The following DNAH14 variants were observed in gnomAD, a reference collection of about 807,000 sequenced individuals.
DNAH14 encodes dynein axonemal heavy chain 14, also known as axonemal beta dynein heavy chain 14.
DNAH14 carries 478 observed loss-of-function variants against 520.9 expected under a neutral mutation model. The observed-to-expected ratio is 0.92, with a 90% CI of 0.85 to 0.99. The LOEUF is 0.99. Among genes scored for constraint, DNAH14 ranks in the 50% least tolerant of loss-of-function variants. The pLI is 0.00. For missense variants in DNAH14, 4,831 were observed against 5,234.5 expected, an observed-to-expected ratio of 0.92 and a Z score of 2.38; for synonymous variants, 1,581 against 1,757.2, an observed-to-expected ratio of 0.90 and a Z score of 2.51.
At chr1:225,362,404 G>A (rs879733647) in intron 75 of DNAH14, among the ~76,000 whole-genome samples, 15 of 152,028 alleles carry the variant, frequency 9.9e-5, no homozygotes, top group Admixed American at 3.9e-4. Flanking sequence ...GTGAAACCCC[G>A]TCTCTACTAA....
At chr1:225,015,660 G>A (rs1368686311) in intron 10 of DNAH14, among the ~76,000 whole-genome samples, 1 of 152,180 alleles carries the variant, frequency 6.6e-6, no homozygotes, top group Non-Finnish European at 1.5e-5. Context: ...CATGTAAATG[G>A]CAATGCAGAT....
chr1:225,378,888 A>AAG (rs1553374346), intron 79 of DNAH14, among the ~76,000 whole-genome samples: 2 of 151,338 alleles, frequency 1.3e-5, no homozygotes, highest in Admixed American at 6.6e-5. Context: ...CCAAAAAAAA[A>AAG]AAAAGAAAAG....
intron 75 of DNAH14, 99 bp downstream of exon 75, chr1:225,360,990 A>G (rs144842870): frequency 5.4e-6 from 6 of 1,119,792 alleles, no homozygotes; most frequent in African/African-American, 1.6e-5. Context: ...AACAATAGCA[A>G]AATAATGTGC....
At chr1:225,199,343 T>G (rs1225213970) in intron 38 of DNAH14, among the ~76,000 whole-genome samples, 1 of 152,204 alleles carries the variant, frequency 6.6e-6, no homozygotes, top group African/African-American at 2.4e-5. Context: ...CATTTATTTT[T>G]GCTCTGATCT....
chr1:225,360,040 C>G (rs765134628), intron 74 of DNAH14, among the ~76,000 whole-genome samples: 3 of 152,176 alleles, frequency 2.0e-5, no homozygotes, highest in African/African-American at 4.8e-5. Context: ...TTGTTCCCCC[C>G]ACGTTTGTCC....
At chr1:225,026,844 T>A (rs1166139089) in intron 11 of DNAH14, among the ~76,000 whole-genome samples, 1 of 152,140 alleles carries the variant, frequency 6.6e-6, no homozygotes, top group Non-Finnish European at 1.5e-5. Flanking sequence ...GAGATAAATA[T>A]GAGGAGTATT....
At chr1:224,997,756 AATTATTAT>A (rs1363336371) in intron 8 of DNAH14, among the ~76,000 whole-genome samples, 1 of 151,800 alleles carries the variant, frequency 6.6e-6, no homozygotes, top group East Asian at 1.9e-4. Flanking sequence ...CGATTTTTTA[AATTATTAT>A]TATTATACTT....
At chr1:225,049,162 C>T (rs555813565) in intron 15 of DNAH14, among the ~76,000 whole-genome samples, 1 of 140,556 alleles carries the variant, frequency 7.1e-6, no homozygotes, top group South Asian at 2.3e-4. Flanking sequence ...CAGGTTCAAG[C>T]AATTCTCTGC....
intron 43 of DNAH14, among the ~76,000 whole-genome samples, chr1:225,245,287 G>C (rs183506048): frequency 3.9e-5 from 6 of 152,062 alleles, no homozygotes; most frequent in Admixed American, 3.9e-4. Flanking sequence ...TTTAGAATAA[G>C]TGCTATGTGG....
intron 42 of DNAH14, among the ~76,000 whole-genome samples, chr1:225,233,910 T>C (rs186209413): frequency 6.6e-6 from 1 of 152,330 alleles, no homozygotes; most frequent in East Asian, 1.9e-4. Flanking sequence ...CTAGGGTTTT[T>C]ATAGTTTTTG....
chr1:225,260,771 A>G (rs190006070), intron 46 of DNAH14, among the ~76,000 whole-genome samples: 7 of 152,318 alleles, frequency 4.6e-5, no homozygotes, highest in African/African-American at 1.7e-4. Context: ...TCAATCCATG[A>G]ACACAAGATA....
intron 17 of DNAH14, among the ~76,000 whole-genome samples, chr1:225,077,255 G>C (rs1279419190): frequency 7.9e-5 from 12 of 152,022 alleles, no homozygotes; most frequent in African/African-American, 2.9e-4. Context: ...CATCCAAATT[G>C]ATAGATTTAC....
At chr1:225,118,901 A>AAG (rs1482843697) in intron 25 of DNAH14, among the ~76,000 whole-genome samples, 47 of 151,624 alleles carry the variant, frequency 3.1e-4, no homozygotes, top group African/African-American at 1.0e-3. Flanking sequence ...AAAAAAAAAA[A>AAG]AAAGAAAAGA....
chr1:225,301,620 A>C (rs1443081837), intron 56 of DNAH14, among the ~76,000 whole-genome samples: 1 of 152,168 alleles, frequency 6.6e-6, no homozygotes, highest in Non-Finnish European at 1.5e-5. Context: ...GGCTTAGCAA[A>C]TATATGGACA....
chr1:224,992,668 G>A (rs1213121745), intron 8 of DNAH14, among the ~76,000 whole-genome samples: 3 of 152,008 alleles, frequency 2.0e-5, no homozygotes, highest in Non-Finnish European at 4.4e-5. Context: ...AACAACTTTA[G>A]TTTTTTCTTT....
At chr1:224,990,126 T>C (rs2062935129) in intron 8 of DNAH14, among the ~76,000 whole-genome samples, 1 of 152,034 alleles carries the variant, frequency 6.6e-6, no homozygotes, top group African/African-American at 2.4e-5. Flanking sequence ...TGTTGTAGAT[T>C]GGTGTCAATG....
At position 225,301,591 on chromosome 1, in the gene DNAH14, G is replaced by A. The variant is rs1392376610; in HGVS notation, c.8631+561G>A. 2.0e-5 allele frequency among the ~76,000 whole-genome samples: 3 copies of A among 152,270 alleles called. No individual in the cohort carries two copies. In the East Asian group the frequency reaches 5.8e-4, roughly 29 times the overall value. Reference sequence around the variant, plus strand: ...TGAACTCAACTTTCTGTGTCTTTGAGACATGATGACCGACCAGTGGCTTAG... The same window carrying A: ...TGAACTCAACTTTCTGTGTCTTTGAAACATGATGACCGACCAGTGGCTTAG... On this transcript the variant is annotated intron_variant, in intron 56 of 85. Transcript: ENST00000682510.
intron 23 of DNAH14, among the ~76,000 whole-genome samples, chr1:225,105,104 T>A (rs2075905484): frequency 6.6e-6 from 1 of 152,222 alleles, no homozygotes; most frequent in African/African-American, 2.4e-5. Context: ...CTCATTGGTT[T>A]CAAAGAACAT....
At chr1:225,234,409 C>G (rs1183241927) in intron 42 of DNAH14, among the ~76,000 whole-genome samples, 1 of 152,104 alleles carries the variant, frequency 6.6e-6, no homozygotes, top group African/African-American at 2.4e-5. Flanking sequence ...AGGATGGTCT[C>G]CATCTCCTGA....
Sources: allele counts gnomAD v4.1 joint callset (sites outside exome capture counted in the v4.1 genomes callset), GRCh38; gene constraint gnomAD v4.1.1; transcripts MANE v1.5; gene names NCBI Gene and HGNC (gene_info 2026-07-23, HGNC 2026-07-21).